RSRC1: variants seen among roughly 807,000 people sequenced by gnomAD.
The protein encoded by RSRC1 is serine/Arginine-related protein 53.
RSRC1 carries 39 observed loss-of-function variants against 49.1 expected under a neutral mutation model. The ratio of observed to expected loss-of-function variants is 0.79; its 90% CI spans 0.61 to 1.04. RSRC1 has a LOEUF of 1.04. RSRC1 is among the 50% of genes least tolerant of loss of function. RSRC1 has a pLI of 0.00. For missense variants in RSRC1, 388 were observed against 402.4 expected (o/e 0.96, Z 0.31); for synonymous variants, 143 against 130.8 (o/e 1.09, Z -0.63).
intron 6 of RSRC1, among the ~76,000 whole-genome samples, chr3:158,369,541 C>T (rs1157244178): frequency 6.6e-6 from 1 of 151,844 alleles, no homozygotes; most frequent in Non-Finnish European, 1.5e-5. Flanking sequence ...CATTTTAGGC[C>T]CTGGGGTTTC....
At chr3:158,138,121 T>C (rs1716520408) in intron 3 of RSRC1, among the ~76,000 whole-genome samples, 2 of 152,302 alleles carry the variant, frequency 1.3e-5, no homozygotes, top group South Asian at 2.1e-4. Flanking sequence ...GGACCTCTAG[T>C]TGGGGGCTCC....
chr3:158,409,559 C>T (rs78304497), intron 6 of RSRC1, among the ~76,000 whole-genome samples: 1,961 of 152,196 alleles, frequency 0.013, 40 homozygotes, highest in African/African-American at 0.044. Context: ...GGCTTTCTTA[C>T]TAGAAAGTGA....
chr3:158,142,908 C>A (rs781036028), intron 3 of RSRC1, among the ~76,000 whole-genome samples: 5 of 152,176 alleles, frequency 3.3e-5, no homozygotes, highest in Admixed American at 1.3e-4. Context: ...TCAAGTCTTA[C>A]TAATTTTGTA....
At chr3:158,278,181 A>G (rs573832532) in intron 4 of RSRC1, among the ~76,000 whole-genome samples, 3 of 152,238 alleles carry the variant, frequency 2.0e-5, no homozygotes, top group African/African-American at 4.8e-5. Flanking sequence ...GGACAAGTCC[A>G]CAAGAGCAAG....
chr3:158,373,453 G>T (rs1732187615), intron 6 of RSRC1, among the ~76,000 whole-genome samples: 1 of 151,616 alleles, frequency 6.6e-6, no homozygotes, highest in African/African-American at 2.4e-5. Context: ...GTTTTATTTT[G>T]TCAAATGCCT....
rs1330196462 is a variant in RSRC1, at chr3:158,153,547, A to C, written c.320+29556A>C. ...TTTTAAGAGTTTCCTTGAGGTTGCC[A>C]TAAAGCTAGAAGACATGATTTCAGA... On this transcript the variant is annotated intron_variant, in intron 3 of 9. Coordinates refer to ENST00000611884, the MANE Select transcript of RSRC1 (RefSeq NM_001271838.2). 3.9e-5 allele frequency among the ~76,000 whole-genome samples: 6 copies of C among 152,226 alleles called. No individual in the cohort carries two copies. The South Asian group carries it at 1.2e-3, about 32-fold the overall frequency.
chr3:158,518,572 AT>A (rs1560074047), intron 7 of RSRC1, among the ~76,000 whole-genome samples: 1 of 152,062 alleles, frequency 6.6e-6, no homozygotes, highest in Non-Finnish European at 1.5e-5. Context: ...AATTTATCAT[AT>A]ATCCATATCC....
rs71144456 is a variant in RSRC1, at chr3:158,321,974, T to TACACACACACAC, written c.531+23921_531+23932dup. 2.5e-3 allele frequency among the ~76,000 whole-genome samples: 378 copies of TACACACACACAC among 148,500 alleles called. 1 individual carries two copies. The highest frequency in any genetic ancestry group is 8.9e-3 in the African/African-American group (360 of 40,516). On this transcript the variant is annotated intron_variant, in intron 5 of 9. Coordinates refer to ENST00000611884, the MANE Select transcript of RSRC1 (RefSeq NM_001271838.2). ...ATTAAGAGAAGAAACTTTTAACACCTACACACACACACACACACACACACA... is the reference window on the plus strand; with the variant it reads ...ATTAAGAGAAGAAACTTTTAACACCTACACACACACACACACACACACACACACACACACACA...
chr3:158,421,805 C>T (rs935071785), intron 6 of RSRC1, among the ~76,000 whole-genome samples: 1 of 151,788 alleles, frequency 6.6e-6, no homozygotes, highest in Non-Finnish European at 1.5e-5. Context: ...CTTGCCTGCC[C>T]ACAGACCTTA....
intron 7 of RSRC1, among the ~76,000 whole-genome samples, chr3:158,522,236 A>G (rs895331786): frequency 2.6e-5 from 4 of 152,130 alleles, no homozygotes; most frequent in African/African-American, 9.7e-5. Context: ...ATAAATAATA[A>G]TCATATATAT....
rs1378168472 is a variant in RSRC1, at chr3:158,320,958, TG to T, written c.531+22885del. Among the ~76,000 whole-genome samples the T allele has an allele frequency of 1.2e-4, 19 of 152,290 alleles. 1 individual carries two copies. The East Asian group carries it at 3.7e-3, about 29-fold the overall frequency. ...GATTTGGCAAGCTACTTTAGAACAC[TG>T]GTTCTTAATTTTTTTGGGCCACACA... On this transcript the variant is annotated intron_variant, in intron 5 of 9. Coordinates refer to ENST00000611884, the MANE Select transcript of RSRC1 (RefSeq NM_001271838.2).
At chr3:158,205,311 A>T (rs1721286320) in intron 4 of RSRC1, among the ~76,000 whole-genome samples, 3 of 152,128 alleles carry the variant, frequency 2.0e-5, no homozygotes, top group Admixed American at 2.0e-4. Context: ...TTTTCAAGCC[A>T]TTCTGGACTT....
intron 3 of RSRC1, among the ~76,000 whole-genome samples, chr3:158,177,725 T>C (rs1472503819): frequency 3.3e-5 from 5 of 152,122 alleles, no homozygotes; most frequent in Non-Finnish European, 5.9e-5. Context: ...AAAACCAACA[T>C]GGCACATGTA....
intron 5 of RSRC1, among the ~76,000 whole-genome samples, chr3:158,312,133 A>C (rs1475016336): frequency 1.4e-5 from 2 of 147,452 alleles, no homozygotes; most frequent in South Asian, 2.1e-4. Flanking sequence ...ACACGAGCAG[A>C]GAGCACCTAT....
At chr3:158,516,148 C>T (rs6775834) in intron 7 of RSRC1, among the ~76,000 whole-genome samples, 78,587 of 152,008 alleles carry the variant, frequency 0.52, 20,774 homozygotes, top group African/African-American at 0.62. Flanking sequence ...TGAGGAACTG[C>T]GTTCCTTTGG....
At chr3:158,360,452 C>T (rs1731402458) in intron 6 of RSRC1, among the ~76,000 whole-genome samples, 1 of 152,212 alleles carries the variant, frequency 6.6e-6, no homozygotes, top group South Asian at 2.1e-4. Context: ...CACCTGTCCC[C>T]CTCTGCCCAG....
intron 4 of RSRC1, among the ~76,000 whole-genome samples, chr3:158,294,220 C>T (rs827127): frequency 0.45 from 68,147 of 151,662 alleles, 15,644 homozygotes; most frequent in East Asian, 0.64. Context: ...TGCCCCCTCC[C>T]TATGCCTTCT....
At chr3:158,209,982 G>T (rs1721572532) in intron 4 of RSRC1, among the ~76,000 whole-genome samples, 2 of 151,980 alleles carry the variant, frequency 1.3e-5, no homozygotes, top group African/African-American at 4.8e-5. Flanking sequence ...GTCAATAAGG[G>T]GTTTTGTTTT....
intron 3 of RSRC1, among the ~76,000 whole-genome samples, chr3:158,195,507 A>G (rs1347753285): frequency 2.0e-5 from 3 of 151,626 alleles, no homozygotes; most frequent in Admixed American, 2.0e-4. Flanking sequence ...GTTTAATTAG[A>G]TCCTGTTTGT....
Sources: allele counts gnomAD v4.1 joint callset (sites outside exome capture counted in the v4.1 genomes callset), GRCh38; gene constraint gnomAD v4.1.1; transcripts MANE v1.5; gene names NCBI Gene and HGNC (gene_info 2026-07-23, HGNC 2026-07-21).